Variants in TANC2 observed in about 807,000 individuals in gnomAD.
TANC2 encodes the protein tetratricopeptide repeat, ankyrin repeat and coiled-coil containing 2, also known as protein TANC2.
Under a neutral mutation model 210.5 loss-of-function variants are expected in TANC2, and 26 were observed. The observed-to-expected ratio is 0.12, with a 90% confidence interval of 0.09 to 0.17. TANC2 has a LOEUF of 0.17. Among genes scored for constraint, TANC2 ranks in the 10% least tolerant of loss-of-function variants. The pLI is 1.00. For synonymous variants in TANC2, 931 were observed against 967.1 expected, an observed-to-expected ratio of 0.96 and a Z score of 0.69; for missense variants, 2,129 against 2,608.9, an observed-to-expected ratio of 0.82 and a Z score of 4.01.
chr17:63,147,276 G>A (rs577936138), intron 4 of TANC2, among the ~76,000 whole-genome samples: 2 of 152,088 alleles, frequency 1.3e-5, no homozygotes, highest in Non-Finnish European at 2.9e-5. Flanking sequence ...CTGAGAGGAG[G>A]AGGTTGCAGG....
chr17:63,410,043 T>C (rs1316347894), intron 21 of TANC2, among the ~76,000 whole-genome samples: 1 of 152,216 alleles, frequency 6.6e-6, no homozygotes, highest in Non-Finnish European at 1.5e-5. Flanking sequence ...GGAGCATTTC[T>C]GAAATCAGAT....
intron 17 of TANC2, chr17:63,390,424 G>A (rs1368412249): frequency 6.6e-6 from 1 of 152,192 alleles, no homozygotes; most frequent in Non-Finnish European, 1.5e-5. Flanking sequence ...CACAGTGATT[G>A]TGCACCTGTG....
At chr17:63,303,954 T>C (rs950789641) in intron 9 of TANC2, among the ~76,000 whole-genome samples, 5 of 151,968 alleles carry the variant, frequency 3.3e-5, no homozygotes, top group Non-Finnish European at 7.4e-5. Context: ...TTTATGTTCC[T>C]CTCTAAACTG....
intron 11 of TANC2, among the ~76,000 whole-genome samples, chr17:63,321,530 T>C (rs979167481): frequency 5.3e-5 from 8 of 152,202 alleles, no homozygotes; most frequent in Admixed American, 5.2e-4. Context: ...ATCCGCCCTT[T>C]TTTTGAAATG....
At chr17:63,405,933 T>G (rs1486924881) in intron 20 of TANC2, among the ~76,000 whole-genome samples, 2 of 152,238 alleles carry the variant, frequency 1.3e-5, no homozygotes, top group African/African-American at 4.8e-5. Context: ...ACTTAGTAGC[T>G]GAGTCAGACA....
intron 1 of TANC2, among the ~76,000 whole-genome samples, chr17:63,003,293 T>C (rs1568309253): frequency 6.6e-6 from 1 of 152,226 alleles, no homozygotes; most frequent in Non-Finnish European, 1.5e-5. Flanking sequence ...TTTACCCATT[T>C]GAAAATCGAT....
chr17:63,132,425 G>C (rs2038951113), intron 4 of TANC2, among the ~76,000 whole-genome samples: 1 of 152,082 alleles, frequency 6.6e-6, no homozygotes, highest in East Asian at 1.9e-4. Context: ...CAACCAAGAA[G>C]AGTAAGGCAA....
intron 2 of TANC2, among the ~76,000 whole-genome samples, chr17:63,067,287 A>G (rs6504148): frequency 0.54 from 81,353 of 151,974 alleles, 23,300 homozygotes; most frequent in African/African-American, 0.73. Flanking sequence ...AGAGATGACC[A>G]AGATATTGGA....
intron 2 of TANC2, among the ~76,000 whole-genome samples, chr17:63,073,359 T>C (rs1445783825): frequency 6.6e-6 from 1 of 152,068 alleles, no homozygotes; most frequent in Non-Finnish European, 1.5e-5. Context: ...ATATACTGTT[T>C]TGGTTATTTC....
At chr17:62,987,135 C>T (rs2032610163) in intron 1 of TANC2, among the ~76,000 whole-genome samples, 1 of 152,170 alleles carries the variant, frequency 6.6e-6, no homozygotes, top group South Asian at 2.1e-4. Context: ...GCAGGTTCAT[C>T]CTGGGTAGGA....
chr17:63,371,453 C>T (rs1016506861), intron 14 of TANC2, among the ~76,000 whole-genome samples: 1 of 137,296 alleles, frequency 7.3e-6, no homozygotes, highest in Non-Finnish European at 1.6e-5. Context: ...GCAACAAGAG[C>T]AAAATTCCGT....
chr17:63,109,082 T>C (rs1338265668), intron 4 of TANC2, among the ~76,000 whole-genome samples: 2 of 151,594 alleles, frequency 1.3e-5, no homozygotes, highest in Non-Finnish European at 2.9e-5. Context: ...TTATGAAATG[T>C]AGCCAAAGTG....
intron 9 of TANC2, among the ~76,000 whole-genome samples, chr17:63,311,748 A>G (rs1157727851): frequency 6.6e-6 from 1 of 152,246 alleles, no homozygotes; most frequent in East Asian, 1.9e-4. Flanking sequence ...TTATTAACTG[A>G]TAAACAAAAT....
At chr17:63,395,970 T>G (rs752149074) in intron 18 of TANC2, 42 bp downstream of exon 18, 2 of 1,528,820 alleles carry the variant, frequency 1.3e-6, no homozygotes, top group Non-Finnish European at 1.8e-6. Context: ...AGCTCTGTAT[T>G]GAAGGACCCA....
intron 8 of TANC2, among the ~76,000 whole-genome samples, chr17:63,243,357 G>A (rs1026494634): frequency 2.0e-5 from 3 of 152,132 alleles, no homozygotes; most frequent in African/African-American, 7.2e-5. Flanking sequence ...TTCCATTTCT[G>A]AATAGAATGT....
At chr17:63,146,952 T>G (rs1169707740) in intron 4 of TANC2, among the ~76,000 whole-genome samples, 1 of 152,066 alleles carries the variant, frequency 6.6e-6, no homozygotes, top group Non-Finnish European at 1.5e-5. Flanking sequence ...GTTAATACTT[T>G]ATAACTTAGG....
At chr17:63,384,106 T>C (rs1018324041) in intron 15 of TANC2, among the ~76,000 whole-genome samples, 6 of 152,216 alleles carry the variant, frequency 3.9e-5, no homozygotes, top group Admixed American at 2.6e-4. Context: ...GGTCTTACTC[T>C]TCACCCCGGC....
chr17:63,257,215 C>G (rs183842913), intron 8 of TANC2, among the ~76,000 whole-genome samples: 1 of 151,098 alleles, frequency 6.6e-6, no homozygotes, highest in African/African-American at 2.4e-5. Context: ...GTTTTGTGTT[C>G]TTCTTTATTT....
intron 6 of TANC2, among the ~76,000 whole-genome samples, chr17:63,198,646 A>G (rs575057305): frequency 1.9e-4 from 29 of 152,298 alleles, no homozygotes; most frequent in Admixed American, 2.6e-4. Flanking sequence ...TTCCAATTCA[A>G]TAAGTCTGGA....
Sources: allele counts gnomAD v4.1 joint callset (sites outside exome capture counted in the v4.1 genomes callset), GRCh38; gene constraint gnomAD v4.1.1; transcripts MANE v1.5; gene names NCBI Gene and HGNC (gene_info 2026-07-23, HGNC 2026-07-21).